Variants in LMLN observed in about 807,000 individuals in gnomAD.
The protein encoded by LMLN is leishmanolysin-like peptidase.
LMLN carries 70 observed loss-of-function variants against 92.3 expected under a neutral mutation model. The observed-to-expected ratio is 0.76, with a 90% CI of 0.63 to 0.92. LMLN has a LOEUF of 0.92. Among genes scored for constraint, LMLN ranks in the 40% least tolerant of loss-of-function variants. LMLN has a pLI of 0.00. For missense variants in LMLN, 691 were observed against 814.6 expected (o/e 0.85, Z 1.85); for synonymous variants, 308 against 296.2 (o/e 1.04, Z -0.41).
intron 11 of LMLN, among the ~76,000 whole-genome samples, chr3:198,000,819 G>A (rs888548232): frequency 2.6e-5 from 4 of 152,202 alleles, no homozygotes; most frequent in Admixed American, 2.0e-4. Flanking sequence ...AACTAAGTAT[G>A]AGCATCATAT....
intron 9 of LMLN, among the ~76,000 whole-genome samples, chr3:197,994,988 T>C (rs1721978685): frequency 6.6e-6 from 1 of 152,174 alleles, no homozygotes; most frequent in South Asian, 2.1e-4. Context: ...GTAAAGAAAG[T>C]GTGTTATACA....
intron 9 of LMLN, among the ~76,000 whole-genome samples, chr3:197,994,375 G>A (rs1418179799): frequency 2.0e-5 from 3 of 152,128 alleles, no homozygotes; most frequent in Non-Finnish European, 4.4e-5. Flanking sequence ...CAGAAAAGGC[G>A]TTAATATCCA....
At chr3:198,038,624 T>C in exon 16 of LMLN, 1 of 1,614,136 alleles carries the variant, frequency 6.2e-7, no homozygotes, top group Non-Finnish European at 8.5e-7. Context: ...CTAGGCAATC[T>C]GTTTCCTCTG....
intron 11 of LMLN, among the ~76,000 whole-genome samples, chr3:198,014,744 G>T (rs1722570250): frequency 7.1e-6 from 1 of 140,230 alleles, no homozygotes; most frequent in Non-Finnish European, 1.6e-5. Context: ...CCCCTAACTA[G>T]TCTGACTTCT....
intron 13 of LMLN, 22 bp downstream of exon 14, chr3:198,021,627 A>G (rs753938814): frequency 6.3e-7 from 1 of 1,599,486 alleles, no homozygotes; most frequent in African/African-American, 1.3e-5. Context: ...AGTGAAATGA[A>G]GTATTATATA....
At chr3:197,979,196 A>G (rs1352853420) in intron 5 of LMLN, among the ~76,000 whole-genome samples, 2 of 152,234 alleles carry the variant, frequency 1.3e-5, no homozygotes, top group Admixed American at 1.3e-4. Flanking sequence ...TTAGAGAAGG[A>G]AGAATAAACA....
chr3:197,999,716 G>A (rs770394400), intron 11 of LMLN: 34 of 170,410 alleles, frequency 2.0e-4, no homozygotes, highest in Non-Finnish European at 3.6e-4. Flanking sequence ...TAATAGAGTC[G>A]GGGTTTTGTC....
At chr3:198,030,357 T>C (rs536534394) in intron 14 of LMLN, among the ~76,000 whole-genome samples, 6 of 152,354 alleles carry the variant, frequency 3.9e-5, no homozygotes, top group South Asian at 4.1e-4. Context: ...ACCAGGACTA[T>C]GCAGACGTGG....
chr3:197,987,454 C>T (rs1274093651), intron 8 of LMLN, among the ~76,000 whole-genome samples: 6 of 152,122 alleles, frequency 3.9e-5, no homozygotes, highest in South Asian at 4.1e-4. Context: ...CCACCGCGCC[C>T]GGCCAAAATT....
chr3:197,982,971 G>T (rs1721600827), intron 6 of LMLN, among the ~76,000 whole-genome samples: 1 of 152,204 alleles, frequency 6.6e-6, no homozygotes, highest in Non-Finnish European at 1.5e-5. Context: ...GCTTTGACAG[G>T]CAGACAGGAT....
chr3:198,022,842 C>G (rs1453721445), intron 13 of LMLN, among the ~76,000 whole-genome samples: 1 of 152,136 alleles, frequency 6.6e-6, no homozygotes, highest in East Asian at 1.9e-4. Context: ...CTGGGCAACA[C>G]AGTGAGACCC....
At chr3:198,003,204 C>A in intron 11 of LMLN, 79 bp downstream of exon 12, 1 of 850,612 alleles carries the variant, frequency 1.2e-6, no homozygotes, top group Non-Finnish European at 1.8e-6. Context: ...GCCTAAAATG[C>A]TATTTTCAAA....
intron 11 of LMLN, among the ~76,000 whole-genome samples, chr3:198,017,461 GTTCT>G (rs1436800999): frequency 1.3e-5 from 2 of 152,262 alleles, no homozygotes; most frequent in African/African-American, 4.8e-5. Context: ...TTAAAGTAAG[GTTCT>G]TTCTATGTTC....
exon 16 of LMLN, chr3:198,040,464 G>A (rs778422894): frequency 6.6e-6 from 1 of 152,256 alleles, no homozygotes; most frequent in Non-Finnish European, 1.5e-5. Context: ...GATAGGCGAT[G>A]CCCATTCTTT....
intron 1 of LMLN, among the ~76,000 whole-genome samples, chr3:197,973,948 G>A (rs1013938087): frequency 1.3e-5 from 2 of 152,134 alleles, no homozygotes; most frequent in Admixed American, 6.5e-5. Context: ...CATGTAAATA[G>A]TAAATGAGAA....
At chr3:198,009,597 TG>T (rs775417133) in intron 11 of LMLN, among the ~76,000 whole-genome samples, 1 of 152,210 alleles carries the variant, frequency 6.6e-6, no homozygotes, top group Non-Finnish European at 1.5e-5. Flanking sequence ...CATCTGGGCC[TG>T]GAGATTTCTC....
chr3:198,030,819 A>G (rs770689045), intron 14 of LMLN, among the ~76,000 whole-genome samples: 67 of 152,244 alleles, frequency 4.4e-4, no homozygotes, highest in Non-Finnish European at 8.4e-4. Flanking sequence ...TGAGACTTGC[A>G]TGTCTGAAAG....
chr3:198,035,361 G>GT (rs10679322), intron 14 of LMLN, among the ~76,000 whole-genome samples: 1,617 of 117,690 alleles, frequency 0.014, 63 homozygotes, highest in South Asian at 0.032. Flanking sequence ...CCCTCTTTTG[G>GT]TTTTTTTTTT....
intron 9 of LMLN, among the ~76,000 whole-genome samples, chr3:197,991,776 C>T (rs1337765750): frequency 1.3e-5 from 2 of 152,076 alleles, no homozygotes. Context: ...AAGTTCTGCA[C>T]TGCTCTTGGG....
Sources: gnomAD v4.1 joint callset for allele counts (sites outside exome capture counted in the v4.1 genomes callset) on GRCh38, gnomAD v4.1.1 for gene constraint, MANE v1.5 for transcripts, NCBI Gene and HGNC (gene_info 2026-07-23, HGNC 2026-07-21) for gene names.